Variants in GRIK2 observed in about 807,000 individuals in gnomAD.
GRIK2 encodes glutamate ionotropic receptor kainate type subunit 2.
Under a neutral mutation model 100.3 loss-of-function variants are expected in GRIK2, and 32 were observed. The observed-to-expected ratio is 0.32, with a 90% CI of 0.24 to 0.43. The LOEUF is 0.43. GRIK2 is among the 20% of genes least tolerant of loss of function. The pLI is 1.00. For missense variants in GRIK2, 843 were observed against 1,114.9 expected (o/e 0.76, Z 3.47); for synonymous variants, 417 against 389.4 (o/e 1.07, Z -0.83).
At chr6:101,870,596 G>T (rs905599336) in intron 11 of GRIK2, among the ~76,000 whole-genome samples, 2 of 151,734 alleles carry the variant, frequency 1.3e-5, no homozygotes, top group African/African-American at 4.8e-5. Context: ...AAATAAATGG[G>T]TAGATATAAA....
intron 14 of GRIK2, among the ~76,000 whole-genome samples, chr6:102,003,234 C>CAT (rs1404583875): frequency 4.6e-5 from 7 of 151,316 alleles, no homozygotes. Context: ...TATGTTTATT[C>CAT]ATATATATGT....
intron 10 of GRIK2, among the ~76,000 whole-genome samples, chr6:101,821,084 A>G (rs1781922979): frequency 1.3e-5 from 2 of 152,186 alleles, no homozygotes; most frequent in African/African-American, 2.4e-5. Context: ...ATTTAATTAA[A>G]TGGGAAATTA....
chr6:101,686,151 A>G (rs1167376254), intron 6 of GRIK2, 29 bp from the exon 7 acceptor site: 3 of 1,590,446 alleles, frequency 1.9e-6, no homozygotes, highest in African/African-American at 2.7e-5. Context: ...TCTGTCCATA[A>G]TAACAACACA....
intron 16 of GRIK2, among the ~76,000 whole-genome samples, chr6:102,062,648 A>C (rs973792102): frequency 6.6e-6 from 1 of 150,598 alleles, no homozygotes; most frequent in African/African-American, 2.4e-5. Context: ...TATTTTTTTA[A>C]CATGAGTGAT....
chr6:101,833,787 GT>G (rs561927146), intron 10 of GRIK2, among the ~76,000 whole-genome samples: 119 of 151,788 alleles, frequency 7.8e-4, no homozygotes, highest in African/African-American at 2.8e-3. Context: ...GCTATATTTT[GT>G]TTGCTCTATT....
At chr6:101,675,971 A>G (rs1344041176) in intron 4 of GRIK2, among the ~76,000 whole-genome samples, 4 of 152,192 alleles carry the variant, frequency 2.6e-5, no homozygotes, top group Admixed American at 2.6e-4. Flanking sequence ...GATGAAAACC[A>G]AGTAACCAAA....
chr6:101,883,482 A>T (rs1338633264), intron 11 of GRIK2, among the ~76,000 whole-genome samples: 1 of 152,074 alleles, frequency 6.6e-6, no homozygotes, highest in East Asian at 1.9e-4. Flanking sequence ...CTCAAAAGGA[A>T]CTTACATTCT....
At chr6:101,559,544 T>C (rs561857153) in intron 2 of GRIK2, among the ~76,000 whole-genome samples, 2 of 152,148 alleles carry the variant, frequency 1.3e-5, no homozygotes, top group Non-Finnish European at 2.9e-5. Flanking sequence ...TTTATTTAAC[T>C]GTAAGTATCT....
intron 10 of GRIK2, among the ~76,000 whole-genome samples, chr6:101,836,619 T>TG (rs1434984767): frequency 0.1 from 13,933 of 134,972 alleles, 2,108 homozygotes; most frequent in African/African-American, 0.33. Flanking sequence ...ATATATATAG[T>TG]TATATATATA....
At chr6:101,928,149 T>G in intron 13 of GRIK2, 1 of 424,050 alleles carries the variant, frequency 2.4e-6, no homozygotes, top group Non-Finnish European at 4.2e-6. Flanking sequence ...TACTCATTAA[T>G]ATTTTAATTG....
intron 2 of GRIK2, among the ~76,000 whole-genome samples, chr6:101,422,532 G>A (rs75603930): frequency 1.3e-5 from 2 of 151,948 alleles, no homozygotes; most frequent in Admixed American, 1.3e-4. Flanking sequence ...TAACAGCTTT[G>A]TGACCTACCT....
intron 4 of GRIK2, among the ~76,000 whole-genome samples, chr6:101,638,950 C>G (rs943402362): frequency 6.6e-6 from 1 of 152,106 alleles, no homozygotes; most frequent in Non-Finnish European, 1.5e-5. Context: ...TTGCACCACC[C>G]TACTCCAGCC....
intron 4 of GRIK2, among the ~76,000 whole-genome samples, chr6:101,631,838 T>G (rs1780757624): frequency 6.6e-6 from 1 of 152,084 alleles, no homozygotes; most frequent in African/African-American, 2.4e-5. Context: ...CCATTGCAGT[T>G]AGTGTAATTT....
intron 11 of GRIK2, among the ~76,000 whole-genome samples, chr6:101,873,686 G>T (rs917204591): frequency 1.8e-4 from 27 of 151,490 alleles, no homozygotes; most frequent in Admixed American, 1.7e-3. Flanking sequence ...CTTCCACAAT[G>T]GTTGAACTAG....
intron 8 of GRIK2, among the ~76,000 whole-genome samples, chr6:101,801,424 T>C (rs1245174151): frequency 6.6e-6 from 1 of 152,050 alleles, no homozygotes; most frequent in African/African-American, 2.4e-5. Flanking sequence ...AGCTGAAAAC[T>C]AAGAATCTTG....
At chr6:101,717,047 C>A (rs1434599169) in intron 7 of GRIK2, among the ~76,000 whole-genome samples, 1 of 151,824 alleles carries the variant, frequency 6.6e-6, no homozygotes, top group Non-Finnish European at 1.5e-5. Context: ...GATCTTTTCC[C>A]CTTAGCAAAT....
chr6:101,638,620 T>A (rs1037301739), intron 4 of GRIK2, among the ~76,000 whole-genome samples: 1 of 152,158 alleles, frequency 6.6e-6, no homozygotes, highest in Non-Finnish European at 1.5e-5. Context: ...CACGTTTTAG[T>A]TTTGATGATG....
At chr6:101,917,070 C>T (rs1789162551) in intron 12 of GRIK2, among the ~76,000 whole-genome samples, 1 of 151,540 alleles carries the variant, frequency 6.6e-6, no homozygotes. Flanking sequence ...ACCTCATTTC[C>T]TTTCTTCCTG....
intron 7 of GRIK2, among the ~76,000 whole-genome samples, chr6:101,729,970 A>G (rs1043856562): frequency 6.6e-6 from 1 of 151,992 alleles, no homozygotes; most frequent in African/African-American, 2.4e-5. Flanking sequence ...GTCACTGTTT[A>G]CATAATTATT....
Sources: allele counts gnomAD v4.1 joint callset (sites outside exome capture counted in the v4.1 genomes callset), GRCh38; gene constraint gnomAD v4.1.1; transcripts MANE v1.5; gene names NCBI Gene and HGNC (gene_info 2026-07-23, HGNC 2026-07-21).